GRHL2: variants seen among roughly 807,000 people sequenced by gnomAD.
GRHL2 encodes grainyhead-like protein 2 homolog.
Under a neutral mutation model 83.8 loss-of-function variants are expected in GRHL2, and 21 were observed. The observed-to-expected ratio is 0.25, with a 90% CI of 0.18 to 0.36. The LOEUF is 0.36. Ranked by LOEUF, GRHL2 falls within the 10% of genes least tolerant of loss-of-function variation. GRHL2 has a pLI of 1.00. For missense variants in GRHL2, 623 were observed against 781.8 expected (o/e 0.80, Z 2.42); for synonymous variants, 280 against 278.9 (o/e 1.00, Z -0.04).
At chr8:101,637,244 T>C (rs1045025996) in intron 12 of GRHL2, among the ~76,000 whole-genome samples, 1 of 152,116 alleles carries the variant, frequency 6.6e-6, no homozygotes, top group Non-Finnish European at 1.5e-5. Flanking sequence ...GTTGGTGAAA[T>C]CTTCTCAGTA....
chr8:101,666,624 A>G lies in GRHL2; in HGVS notation c.1799A>G (p.His600Arg). Reference protein sequence around the residue: ...LVNMDDNIIEHYSNEDTFILN... With the variant: ...LVNMDDNIIERYSNEDTFILN... Reference sequence around the variant, plus strand: ...AACATGGATGACAACATCATCGAGCACTACTCGAACGAGGACACCTTCATC... The same window carrying G: ...AACATGGATGACAACATCATCGAGCGCTACTCGAACGAGGACACCTTCATC... The change falls in exon 16 of 16, where the codon CAC (histidine) becomes CGC (arginine). Residue 600 changes from histidine (H) to arginine (R), a missense_variant. By Grantham distance (29) the His-to-Arg change is conservative. This residue lies in a region of GRHL2 where 210 missense variants were observed against 254.8 expected (regional missense o/e 0.82). Coordinates refer to ENST00000646743, the MANE Select transcript of GRHL2 (RefSeq NM_024915.4). 2 of 1,613,172 alleles carry G rather than the reference A, an allele frequency of 1.2e-6. No homozygotes were observed. Among genetic ancestry groups the G allele is most frequent in the Non-Finnish European group, 8.5e-7 (1 of 1,179,160 alleles).
At chr8:101,577,230 T>G (rs546312142) in intron 6 of GRHL2, among the ~76,000 whole-genome samples, 178 bp from the exon 7 acceptor site, 1 of 152,266 alleles carries the variant, frequency 6.6e-6, no homozygotes, top group East Asian at 1.9e-4. Context: ...ACAAATTCAT[T>G]TTTTAAGTAG....
intron 1 of GRHL2, among the ~76,000 whole-genome samples, chr8:101,520,823 T>C (rs1010309627): frequency 6.6e-6 from 1 of 152,188 alleles, no homozygotes; most frequent in African/African-American, 2.4e-5. Flanking sequence ...AGTCCTTCGA[T>C]TGGGAGAAGT....
intron 4 of GRHL2, 21 bp downstream of exon 4, chr8:101,558,833 A>G: frequency 6.2e-7 from 1 of 1,612,764 alleles, no homozygotes; most frequent in Non-Finnish European, 8.5e-7. Context: ...GGCTCCATCG[A>G]CGGCCAGAAC....
Position 101,573,786 on chromosome 8 carries a change from GACA to G in GRHL2, c.858_860del (p.Asn286del). 6.2e-7 allele frequency: 1 copy of G among 1,614,156 alleles called. No individual in the cohort carries two copies. Among genetic ancestry groups the G allele is most frequent in the Non-Finnish European group, 8.5e-7 (1 of 1,180,032 alleles). On this transcript the variant is annotated inframe_deletion, in exon 6 of 16. Coordinates refer to ENST00000646743, the MANE Select transcript of GRHL2 (RefSeq NM_024915.4). Reference sequence around the variant, plus strand: ...TGCCATAACACTCAGCGAGACCGGAGACAACAAATGCTTCCGACACCCCATCAG... The same window carrying G: ...TGCCATAACACTCAGCGAGACCGGAGACAAATGCTTCCGACACCCCATCAG...
At chr8:101,670,424 C>A (rs1465818435), downstream of GRHL2, among the ~76,000 whole-genome samples, 5 of 152,236 alleles carry the variant, frequency 3.3e-5, no homozygotes, top group Non-Finnish European at 7.3e-5. Flanking sequence ...CTTCAGGAAG[C>A]CTCCCTTGAC....
At chr8:101,522,906 A>G (rs1810718625) in intron 1 of GRHL2, among the ~76,000 whole-genome samples, 1 of 150,664 alleles carries the variant, frequency 6.6e-6, no homozygotes, top group Non-Finnish European at 1.5e-5. Flanking sequence ...GAAATCTATT[A>G]TTCTTTGTTT....
intron 4 of GRHL2, among the ~76,000 whole-genome samples, chr8:101,569,668 G>A (rs1468877936): frequency 6.6e-6 from 1 of 152,142 alleles, no homozygotes; most frequent in Non-Finnish European, 1.5e-5. Context: ...GACAGGTCTT[G>A]CTTTATTGTC....
chr8:101,539,630 A>G (rs1811111141), intron 1 of GRHL2, among the ~76,000 whole-genome samples: 1 of 152,216 alleles, frequency 6.6e-6, no homozygotes, highest in Admixed American at 6.5e-5. Flanking sequence ...CTATTTTATC[A>G]TTAGATTAAA....
In GRHL2 at chr8:101,636,916, A is replaced by G; in HGVS notation, c.1505A>G (p.Asp502Gly). 6.2e-7 allele frequency: 1 copy of G among 1,613,856 alleles called. No homozygotes were observed. Residue 502 changes from aspartate (D) to glycine (G), a missense_variant, in exon 12 of 16, where the codon GAT (aspartate) becomes GGT (glycine). This residue lies in a region of GRHL2 where 210 missense variants were observed against 254.8 expected (regional missense o/e 0.82). Coordinates refer to ENST00000646743, the MANE Select transcript of GRHL2 (RefSeq NM_024915.4). ...RTGQVYYNTD[D>G]EREGGSVLVK... ...CCACAGGTGTATTACAACACGGATG[A>G]TGAACGAGAAGGGTAAGACACTCAG...
At chr8:101,517,992 C>A (rs984529392) in intron 1 of GRHL2, among the ~76,000 whole-genome samples, 3 of 152,146 alleles carry the variant, frequency 2.0e-5, no homozygotes, top group Admixed American at 6.5e-5. Context: ...CAGGAGAGCC[C>A]ATGTAACTGC....
At chr8:101,493,704 G>T (rs564515879) in intron 1 of GRHL2, among the ~76,000 whole-genome samples, 2 of 152,166 alleles carry the variant, frequency 1.3e-5, no homozygotes, top group Admixed American at 6.5e-5. Flanking sequence ...AGCCTTCTCG[G>T]GGTGCTCTCG....
At chr8:101,658,793 G>A (rs919727895) in intron 14 of GRHL2, among the ~76,000 whole-genome samples, 3 of 152,152 alleles carry the variant, frequency 2.0e-5, no homozygotes, top group South Asian at 2.1e-4. Flanking sequence ...TTAAAAAGAA[G>A]TTCCAAGTAA....
chr8:101,612,253 G>C (rs1052713553), intron 8 of GRHL2, among the ~76,000 whole-genome samples: 18 of 151,198 alleles, frequency 1.2e-4, no homozygotes, highest in Admixed American at 7.2e-4. Context: ...GCCTCCCAAA[G>C]TGCTGGGATT....
intron 1 of GRHL2, among the ~76,000 whole-genome samples, chr8:101,503,871 CA>C (rs1308214228): frequency 6.6e-6 from 1 of 152,070 alleles, no homozygotes; most frequent in Non-Finnish European, 1.5e-5. Flanking sequence ...AAAAAGTTAA[CA>C]GTGGTTTTCT....
chr8:101,632,864 A>G (rs534383340), intron 11 of GRHL2, among the ~76,000 whole-genome samples: 3 of 152,362 alleles, frequency 2.0e-5, no homozygotes, highest in Admixed American at 2.0e-4. Context: ...GTTGTAGGCA[A>G]GCCCCCTTAA....
chr8:101,493,873 C>T (rs1286941980), intron 1 of GRHL2, among the ~76,000 whole-genome samples: 1 of 151,820 alleles, frequency 6.6e-6, no homozygotes, highest in Non-Finnish European at 1.5e-5. Flanking sequence ...GGCCTCCCCC[C>T]TGGCCGGCCC....
intron 9 of GRHL2, among the ~76,000 whole-genome samples, chr8:101,622,427 C>T (rs1812984514): frequency 6.6e-6 from 1 of 152,074 alleles, no homozygotes; most frequent in Admixed American, 6.6e-5. Context: ...GGGTGGTGAG[C>T]ATTCAGGATC....
At chr8:101,634,046 C>G (rs1034838877) in intron 11 of GRHL2, among the ~76,000 whole-genome samples, 3 of 152,226 alleles carry the variant, frequency 2.0e-5, no homozygotes, top group African/African-American at 7.2e-5. Flanking sequence ...ATAAGCCCGG[C>G]TGTCAGCCTG....
Sources: allele counts gnomAD v4.1 joint callset (sites outside exome capture counted in the v4.1 genomes callset), GRCh38; gene constraint gnomAD v4.1.1; regional missense constraint gnomAD v4.1.1; transcripts MANE v1.5; gene names NCBI Gene and HGNC (gene_info 2026-07-23, HGNC 2026-07-21).